Variants in GPC5 observed in about 807,000 individuals in gnomAD.
GPC5 encodes glypican 5.
In GPC5, 47 loss-of-function variants were observed where a neutral mutation model predicts 53.9. The observed-to-expected ratio is 0.87, with a 90% CI of 0.69 to 1.11. GPC5 has a LOEUF of 1.11. Ranked by LOEUF, GPC5 falls within the 50% of genes most tolerant of loss-of-function variation. GPC5 has a pLI of 0.00. For missense variants in GPC5, 748 were observed against 713.1 expected (o/e 1.05, Z -0.56); for synonymous variants, 286 against 263.3 (o/e 1.09, Z -0.84).
intron 6 of GPC5, among the ~76,000 whole-genome samples, chr13:91,943,867 A>G (rs1226165091): frequency 2.6e-5 from 4 of 151,680 alleles, no homozygotes; most frequent in Non-Finnish European, 5.9e-5. Flanking sequence ...GTTTGAAATG[A>G]CTTTTTTTTT....
chr13:92,246,569 G>A (rs1462574552), intron 7 of GPC5, among the ~76,000 whole-genome samples: 1 of 151,956 alleles, frequency 6.6e-6, no homozygotes, highest in Non-Finnish European at 1.5e-5. Context: ...GGAAAGAGGT[G>A]GAAAAACTCA....
chr13:91,813,343 T>C (rs2038343466), intron 5 of GPC5, among the ~76,000 whole-genome samples: 1 of 152,220 alleles, frequency 6.6e-6, no homozygotes, highest in Non-Finnish European at 1.5e-5. Flanking sequence ...GGGAGCTTTG[T>C]ACCTTTGAAA....
intron 7 of GPC5, among the ~76,000 whole-genome samples, chr13:92,639,786 G>A (rs1885527808): frequency 6.6e-6 from 1 of 152,174 alleles, no homozygotes. Context: ...GCAAATGGGT[G>A]CAGATGAATT....
intron 2 of GPC5, among the ~76,000 whole-genome samples, chr13:91,589,672 T>C (rs1404285564): frequency 6.6e-6 from 1 of 152,112 alleles, no homozygotes; most frequent in Non-Finnish European, 1.5e-5. Context: ...AGTCCTTCAC[T>C]CAAAAAGTCA....
At chr13:92,369,690 T>A (rs2043634917) in intron 7 of GPC5, among the ~76,000 whole-genome samples, 2 of 152,200 alleles carry the variant, frequency 1.3e-5, no homozygotes, top group Non-Finnish European at 1.5e-5. Flanking sequence ...AAATCTCAGA[T>A]CTTCGTATCA....
intron 7 of GPC5, among the ~76,000 whole-genome samples, chr13:92,788,007 G>C (rs1876320810): frequency 6.6e-6 from 1 of 151,950 alleles, no homozygotes; most frequent in Non-Finnish European, 1.5e-5. Flanking sequence ...TTTTCCAAAT[G>C]TCGAGAATGA....
chr13:92,126,851 T>C (rs997038873), intron 6 of GPC5, among the ~76,000 whole-genome samples: 6 of 134,232 alleles, frequency 4.5e-5, no homozygotes, highest in Admixed American at 2.2e-4. Context: ...TGCATGTGTG[T>C]GCATTTGTGT....
At chr13:92,459,129 A>G (rs1594218862) in intron 7 of GPC5, among the ~76,000 whole-genome samples, 1 of 152,318 alleles carries the variant, frequency 6.6e-6, no homozygotes, top group East Asian at 1.9e-4. Context: ...GTTTTATCAA[A>G]GTGAAACAGA....
At chr13:91,425,768 G>A (rs3848053) in intron 1 of GPC5, among the ~76,000 whole-genome samples, 67,400 of 152,034 alleles carry the variant, frequency 0.44, 15,881 homozygotes, top group Middle Eastern at 0.56. Flanking sequence ...ATGTGGAAGC[G>A]ACTTTGGAAC....
At chr13:92,379,631 C>T (rs72638678) in intron 7 of GPC5, among the ~76,000 whole-genome samples, 6,587 of 152,056 alleles carry the variant, frequency 0.043, 209 homozygotes, top group East Asian at 0.11. Flanking sequence ...TAGTTCCTCT[C>T]TGTGTCCTCT....
chr13:92,457,359 A>C (rs867118819), intron 7 of GPC5, among the ~76,000 whole-genome samples: 27 of 152,188 alleles, frequency 1.8e-4, no homozygotes, highest in African/African-American at 6.5e-4. Flanking sequence ...TATTCTGTGC[A>C]TGTAAAAATG....
At chr13:91,826,535 C>A (rs1046650191) in intron 5 of GPC5, among the ~76,000 whole-genome samples, 4 of 151,790 alleles carry the variant, frequency 2.6e-5, no homozygotes, top group Non-Finnish European at 5.9e-5. Flanking sequence ...TATTAAATTA[C>A]AAAATATTTA....
chr13:92,106,949 CTT>C (rs2041514966), intron 6 of GPC5, among the ~76,000 whole-genome samples: 1 of 152,040 alleles, frequency 6.6e-6, no homozygotes, highest in African/African-American at 2.4e-5. Context: ...TACAGTAATT[CTT>C]TTTGTATTTC....
At chr13:91,526,833 G>A (rs1886108253) in intron 2 of GPC5, among the ~76,000 whole-genome samples, 1 of 152,174 alleles carries the variant, frequency 6.6e-6, no homozygotes, top group Admixed American at 6.5e-5. Context: ...TGAAGGGGAA[G>A]CAAGGCATGT....
intron 7 of GPC5, among the ~76,000 whole-genome samples, chr13:92,729,438 C>T (rs1396274481): frequency 6.6e-6 from 1 of 151,334 alleles, no homozygotes; most frequent in Non-Finnish European, 1.5e-5. Context: ...GAACCTATAA[C>T]ATTGTGTGAA....
intron 7 of GPC5, chr13:92,448,832 A>T (rs2139395948): frequency 7.0e-6 from 1 of 142,114 alleles, no homozygotes; most frequent in African/African-American, 2.6e-5. Flanking sequence ...TGTCTTTGTT[A>T]TGGAACTTTG....
At chr13:92,454,436 T>C (rs907719399) in intron 7 of GPC5, among the ~76,000 whole-genome samples, 4 of 152,224 alleles carry the variant, frequency 2.6e-5, no homozygotes, top group Non-Finnish European at 2.9e-5. Context: ...TTGTTGAATA[T>C]AACCAAGATT....
intron 6 of GPC5, among the ~76,000 whole-genome samples, chr13:91,925,085 C>G (rs1327961382): frequency 6.6e-6 from 1 of 152,122 alleles, no homozygotes; most frequent in Non-Finnish European, 1.5e-5. Context: ...TCCCAAAGTG[C>G]CGGGATTACA....
chr13:92,005,472 G>A (rs1421381606), intron 6 of GPC5, among the ~76,000 whole-genome samples: 2 of 152,060 alleles, frequency 1.3e-5, no homozygotes, highest in Non-Finnish European at 2.9e-5. Flanking sequence ...CATTTTTAGT[G>A]ATGTCTTACA....
Sources: gnomAD v4.1 joint callset for allele counts (sites outside exome capture counted in the v4.1 genomes callset) on GRCh38, gnomAD v4.1.1 for gene constraint, MANE v1.5 for transcripts, NCBI Gene and HGNC (gene_info 2026-07-23, HGNC 2026-07-21) for gene names.